Variants in HULC observed in about 807,000 individuals in gnomAD.
HULC encodes the protein hepatocellular carcinoma associated transcript 1 (non-protein coding).
Position 8,653,821 on chromosome 6 carries a change from T to C in HULC, n.313+106607T>C, listed in dbSNP as rs1767337396. ...AGAATTAAACAAAACTAAATTAAAA[T>C]GAAATAAAATGATGTCCATTCTTAA... On this transcript the variant is annotated intron_variant and non_coding_transcript_variant, in intron 3 of 8. Coordinates refer to ENST00000645747, the Ensembl canonical transcript of HULC. The surrounding 1 kb of genome is among the most constrained non-coding windows in gnomAD (Gnocchi z 4.3). 6.6e-6 allele frequency: 1 copy of C among 152,102 alleles called. No individual in the cohort carries two copies. Among genetic ancestry groups the C allele is most frequent in the Non-Finnish European group, 1.5e-5 (1 of 68,006 alleles). The allele number at this position is 152,102 out of a possible 1,614,324, so 9.4% of individuals were successfully genotyped here.
chr6:8,653,295 A>G lies in HULC; in HGVS notation n.313+106081A>G, dbSNP rs547910303. On this transcript the variant is annotated intron_variant and non_coding_transcript_variant, in intron 3 of 8. Transcript: ENST00000645747. This position sits in a 1 kb window ranked among gnomAD's most constrained non-coding sequence, Gnocchi z 4.3. ...AGAGAATAAGATTTGAGTAAAAGAG[A>G]GAGTTATATAAAATTGATGCTTTTC... 6.6e-6 allele frequency among the ~76,000 whole-genome samples: 1 copy of G among 152,334 alleles called. No homozygotes were observed. Among genetic ancestry groups the G allele is most frequent in the South Asian group, 2.1e-4 (1 of 4,832 alleles).
Position 8,652,423 on chromosome 6 carries a change from A to AT in HULC, n.313+105215dup. 1 of 152,342 alleles carries AT rather than the reference A, an allele frequency of 6.6e-6. No individual in the cohort carries two copies. The highest frequency in any genetic ancestry group is 6.5e-5 in the Admixed American group (1 of 15,292). The allele number at this position is 152,342 out of a possible 1,614,324, so 9.4% of individuals were successfully genotyped here. On this transcript the variant is annotated intron_variant and non_coding_transcript_variant, in intron 3 of 8. Transcript: ENST00000645747. The surrounding 1 kb of genome is among the most constrained non-coding windows in gnomAD (Gnocchi z 5.0). ...TTGTTTAAGCCACCCAGTCTTTGTTATTTTTTATAGCAGCCTAAGCGGACT... is the reference window on the plus strand; with the variant it reads ...TTGTTTAAGCCACCCAGTCTTTGTTATTTTTTTATAGCAGCCTAAGCGGACT...
Position 8,653,143 on chromosome 6 carries a change from G to A in HULC, n.313+105929G>A, listed in dbSNP as rs913956622. On this transcript the variant is annotated intron_variant and non_coding_transcript_variant, in intron 3 of 8. Transcript: ENST00000645747. This position sits in a 1 kb window ranked among gnomAD's most constrained non-coding sequence, Gnocchi z 4.3. The stretch of plus-strand genomic sequence containing the variant: ...GTCTCCTTAGAACATCACAGTGAGT[G>A]CAACCTCCCACAGAGCTAACCTGTG... The A allele has an allele frequency of 2.0e-5, 3 of 152,146 alleles. No homozygotes were observed. The highest frequency in any genetic ancestry group is 6.5e-5 in the Admixed American group (1 of 15,282). 9.4% of individuals were successfully genotyped at this position (152,146 alleles called of 1,614,324 possible).
In HULC at chr6:8,653,208, A is replaced by C. The variant is rs1315525809; in HGVS notation, n.313+105994A>C. The stretch of plus-strand genomic sequence containing the variant: ...TAGGGAACAATGTATTCACTTGCTA[A>C]AGATCAACCAACTTGTTCATTTTTC... On this transcript the variant is annotated intron_variant and non_coding_transcript_variant, in intron 3 of 8. Transcript: ENST00000645747. The surrounding 1 kb of genome is among the most constrained non-coding windows in gnomAD (Gnocchi z 4.3). 6.6e-6 allele frequency: 1 copy of C among 152,226 alleles called. No individual in the cohort carries two copies. Among genetic ancestry groups the C allele is most frequent in the Non-Finnish European group, 1.5e-5 (1 of 68,040 alleles). The allele number at this position is 152,226 out of a possible 1,614,324, so 9.4% of individuals were successfully genotyped here. A position where few individuals can be genotyped will look rare whatever the true frequency, so the allele number is the denominator to read the frequency against.
chr6:8,653,114 T>C lies in HULC; in HGVS notation n.313+105900T>C, dbSNP rs1462904318. On this transcript the variant is annotated intron_variant and non_coding_transcript_variant, in intron 3 of 8. Transcript: ENST00000645747. This position sits in a 1 kb window ranked among gnomAD's most constrained non-coding sequence, Gnocchi z 4.3. ...GAATATTTTATCTTCTCAGAAACCA[T>C]GTAGTCTCCTTAGAACATCACAGTG... is the stretch of plus-strand genomic sequence containing the variant. The C allele has an allele frequency of 6.6e-6, 1 of 152,180 alleles. No individual in the cohort carries two copies. Among genetic ancestry groups the C allele is most frequent in the South Asian group, 2.1e-4 (1 of 4,826 alleles). 9.4% of individuals were successfully genotyped at this position (152,180 alleles called of 1,614,324 possible).
At position 8,653,815 on chromosome 6, in the gene HULC, T is replaced by C. The variant is rs924534308; in HGVS notation, n.313+106601T>C. 55 of 152,088 alleles carry C rather than the reference T, an allele frequency of 3.6e-4. No individual in the cohort carries two copies. The highest frequency in any genetic ancestry group is 1.3e-4 in the Non-Finnish European group (9 of 68,016). 9.4% of individuals were successfully genotyped at this position (152,088 alleles called of 1,614,324 possible). The stretch of plus-strand genomic sequence containing the variant: ...GAAACTAGAATTAAACAAAACTAAA[T>C]TAAAATGAAATAAAATGATGTCCAT... On this transcript the variant is annotated intron_variant and non_coding_transcript_variant, in intron 3 of 8. Transcript: ENST00000645747. The surrounding 1 kb of genome is among the most constrained non-coding windows in gnomAD (Gnocchi z 4.3).
At position 8,652,535 on chromosome 6, in the gene HULC, G is replaced by C. The variant is rs781103017; in HGVS notation, n.313+105321G>C. The C allele has an allele frequency of 6.6e-6, 1 of 152,428 alleles. No individual in the cohort carries two copies. The highest frequency in any genetic ancestry group is 2.4e-5 in the African/African-American group (1 of 41,434). 9.4% of individuals were successfully genotyped at this position (152,428 alleles called of 1,614,324 possible). A position where few individuals can be genotyped will look rare whatever the true frequency, so the allele number is the denominator to read the frequency against. On this transcript the variant is annotated intron_variant and non_coding_transcript_variant, in intron 3 of 8. Transcript: ENST00000645747. The surrounding 1 kb of genome is among the most constrained non-coding windows in gnomAD (Gnocchi z 5.0). ...TCTGGTGCTGAAGCTTTAAGTCCAC[G>C]GGGCAGGAAGTTGGGAGAAAAGAGG...
chr6:8,652,972 C>G lies in HULC; in HGVS notation n.313+105758C>G, dbSNP rs952854433. On this transcript the variant is annotated intron_variant and non_coding_transcript_variant, in intron 3 of 8. Transcript: ENST00000645747. The surrounding 1 kb of genome is among the most constrained non-coding windows in gnomAD (Gnocchi z 5.0). ...GCTCCACCCCCAACCCAGAACTCTG[C>G]GGATAAAGGAATTCTGGGAAATGTA... 3.9e-5 allele frequency: 6 copies of G among 152,204 alleles called. No homozygotes were observed. Among genetic ancestry groups the G allele is most frequent in the Admixed American group, 1.3e-4 (2 of 15,280 alleles). 9.4% of individuals were successfully genotyped at this position (152,204 alleles called of 1,614,324 possible).
At position 8,653,069 on chromosome 6, in the gene HULC, C is replaced by T. The variant is rs977544506; in HGVS notation, n.313+105855C>T. ...CCAGAATATTACCTAGGATTATATT[C>T]GACCTGTTTCAGTGCTACAGAATAT... On this transcript the variant is annotated intron_variant and non_coding_transcript_variant, in intron 3 of 8. Coordinates refer to ENST00000645747, the Ensembl canonical transcript of HULC. This position sits in a 1 kb window ranked among gnomAD's most constrained non-coding sequence, Gnocchi z 4.3. 9.2e-5 allele frequency: 14 copies of T among 152,136 alleles called. No individual in the cohort carries two copies. The highest frequency in any genetic ancestry group is 2.4e-4 in the African/African-American group (10 of 41,412). 9.4% of individuals were successfully genotyped at this position (152,136 alleles called of 1,614,324 possible).
rs1281110765 is a variant in HULC at position 8,653,693 on chromosome 6, T to A, written n.313+106479T>A. 1 of 152,148 alleles carries A rather than the reference T, an allele frequency of 6.6e-6. No individual in the cohort carries two copies. The highest frequency in any genetic ancestry group is 2.4e-5 in the African/African-American group (1 of 41,444). 9.4% of individuals were successfully genotyped at this position (152,148 alleles called of 1,614,324 possible). ...AGCATTATTTTTTAAGGAACACAAA[T>A]TAAGTGTTCAACCTGTGGCAAATTT... On this transcript the variant is annotated intron_variant and non_coding_transcript_variant, in intron 3 of 8. Coordinates refer to ENST00000645747, the Ensembl canonical transcript of HULC. The surrounding 1 kb of genome is among the most constrained non-coding windows in gnomAD (Gnocchi z 4.3).
In HULC at chr6:8,653,290, AAG is replaced by A. The variant is rs147982263; in HGVS notation, n.313+106083_313+106084del. ...AAGGCAGAGAATAAGATTTGAGTAA[AAG>A]AGAGAGTTATATAAAATTGATGCTT... On this transcript the variant is annotated intron_variant and non_coding_transcript_variant, in intron 3 of 8. Coordinates refer to ENST00000645747, the Ensembl canonical transcript of HULC. This position sits in a 1 kb window ranked among gnomAD's most constrained non-coding sequence, Gnocchi z 4.3. Among the ~76,000 whole-genome samples the A allele has an allele frequency of 1.5e-3, 229 of 152,306 alleles. No homozygotes were observed. The highest frequency in any genetic ancestry group is 4.8e-3 in the African/African-American group (198 of 41,566).
Position 8,653,364 on chromosome 6 carries a change from T to C in HULC, n.313+106150T>C, listed in dbSNP as rs898202808. ...TGAAAAGTGAATGGAGAGACCCTTT[T>C]TCATTTTTGCTGGACAGCTTACAAA... On this transcript the variant is annotated intron_variant and non_coding_transcript_variant, in intron 3 of 8. Transcript: ENST00000645747. The surrounding 1 kb of genome is among the most constrained non-coding windows in gnomAD (Gnocchi z 4.3). 2.0e-5 allele frequency among the ~76,000 whole-genome samples: 3 copies of C among 152,162 alleles called. No homozygotes were observed. Among genetic ancestry groups the C allele is most frequent in the African/African-American group, 7.2e-5 (3 of 41,450 alleles).
Position 8,652,951 on chromosome 6 carries a change from C to T in HULC, n.313+105737C>T, listed in dbSNP as rs1006881582. 5.3e-5 allele frequency: 8 copies of T among 152,266 alleles called. No individual in the cohort carries two copies. The highest frequency in any genetic ancestry group is 2.0e-4 in the Admixed American group (3 of 15,284). The allele number at this position is 152,266 out of a possible 1,614,324, so 9.4% of individuals were successfully genotyped here. On this transcript the variant is annotated intron_variant and non_coding_transcript_variant, in intron 3 of 8. Transcript: ENST00000645747. The surrounding 1 kb of genome is among the most constrained non-coding windows in gnomAD (Gnocchi z 5.0). ...ATCTTGTGCAAATTCACTTATGCTC[C>T]ACCCCCAACCCAGAACTCTGCGGAT...
At position 8,652,603 on chromosome 6, in the gene HULC, G is replaced by T. The variant is rs1301067103; in HGVS notation, n.313+105389G>T. ...GTTCGAACAATCTGGAACTCTTGAG[G>T]CTGAGCTGGTTCCCACAAGGACCAA... On this transcript the variant is annotated intron_variant and non_coding_transcript_variant, in intron 3 of 8. Coordinates refer to ENST00000645747, the Ensembl canonical transcript of HULC. The surrounding 1 kb of genome is among the most constrained non-coding windows in gnomAD (Gnocchi z 5.0). 2 of 152,266 alleles carry T rather than the reference G, an allele frequency of 1.3e-5. No homozygotes were observed. The highest frequency in any genetic ancestry group is 4.8e-5 in the African/African-American group (2 of 41,442). The allele number at this position is 152,266 out of a possible 1,614,324, so 9.4% of individuals were successfully genotyped here.
At position 8,652,271 on chromosome 6, in the gene HULC, C is replaced by A. The variant is rs184412365; in HGVS notation, n.313+105057C>A. The A allele has an allele frequency of 6.6e-6, 1 of 152,146 alleles. No individual in the cohort carries two copies. The highest frequency in any genetic ancestry group is 1.5e-5 in the Non-Finnish European group (1 of 68,054). 9.4% of individuals were successfully genotyped at this position (152,146 alleles called of 1,614,324 possible). On this transcript the variant is annotated intron_variant and non_coding_transcript_variant, in intron 3 of 8. Transcript: ENST00000645747. This position sits in a 1 kb window ranked among gnomAD's most constrained non-coding sequence, Gnocchi z 5.0. ...AAGGGAATGAAGAGACAAGAGCTCTCTTTATGCCACGTGAGGATACAGCAA... is the reference window on the plus strand; with the variant it reads ...AAGGGAATGAAGAGACAAGAGCTCTATTTATGCCACGTGAGGATACAGCAA...
At position 8,653,581 on chromosome 6, in the gene HULC, A is replaced by C. The variant is rs1767333242; in HGVS notation, n.313+106367A>C. ...TATCTTTGGAAGAAACTCTGAAGTA[A>C]AGGCCGGAATATTCTTTGTTTAAAA... On this transcript the variant is annotated intron_variant and non_coding_transcript_variant, in intron 3 of 8. Transcript: ENST00000645747. The surrounding 1 kb of genome is among the most constrained non-coding windows in gnomAD (Gnocchi z 4.3). 6.6e-6 allele frequency: 1 copy of C among 152,196 alleles called. No homozygotes were observed. Among genetic ancestry groups the C allele is most frequent in the South Asian group, 2.1e-4 (1 of 4,832 alleles). The allele number at this position is 152,196 out of a possible 1,614,324, so 9.4% of individuals were successfully genotyped here. A position where few individuals can be genotyped will look rare whatever the true frequency, so the allele number is the denominator to read the frequency against.
chr6:8,652,775 A>T lies in HULC; in HGVS notation n.313+105561A>T, dbSNP rs558369188. On this transcript the variant is annotated intron_variant and non_coding_transcript_variant, in intron 3 of 8. Transcript: ENST00000645747. The surrounding 1 kb of genome is among the most constrained non-coding windows in gnomAD (Gnocchi z 5.0). Reference sequence around the variant, plus strand: ...AAGCTGAAGGAGGGGAGTGGGAAGGAGCTGAGGAGCTGCACTAGGCTGCTA... The same window carrying T: ...AAGCTGAAGGAGGGGAGTGGGAAGGTGCTGAGGAGCTGCACTAGGCTGCTA... The T allele has an allele frequency of 1.3e-5, 2 of 152,436 alleles. No homozygotes were observed. Among genetic ancestry groups the T allele is most frequent in the South Asian group, 4.1e-4 (2 of 4,832 alleles). 9.4% of individuals were successfully genotyped at this position (152,436 alleles called of 1,614,324 possible). A position where few individuals can be genotyped will look rare whatever the true frequency, so the allele number is the denominator to read the frequency against.
chr6:8,652,555 AAG>A lies in HULC; in HGVS notation n.313+105344_313+105345del, dbSNP rs1767315729. 1 of 152,588 alleles carries A rather than the reference AAG, an allele frequency of 6.6e-6. No individual in the cohort carries two copies. The highest frequency in any genetic ancestry group is 6.5e-5 in the Admixed American group (1 of 15,276). The allele number at this position is 152,588 out of a possible 1,614,324, so 9.5% of individuals were successfully genotyped here. A position where few individuals can be genotyped will look rare whatever the true frequency, so the allele number is the denominator to read the frequency against. Reference sequence around the variant, plus strand: ...TCCACGGGGCAGGAAGTTGGGAGAAAAGAGGGCGTGAAATAGAGAGGGGTTCG... The same window carrying A: ...TCCACGGGGCAGGAAGTTGGGAGAAAAGGGCGTGAAATAGAGAGGGGTTCG... On this transcript the variant is annotated intron_variant and non_coding_transcript_variant, in intron 3 of 8. Coordinates refer to ENST00000645747, the Ensembl canonical transcript of HULC. This position sits in a 1 kb window ranked among gnomAD's most constrained non-coding sequence, Gnocchi z 5.0.
chr6:8,652,944 T>A lies in HULC; in HGVS notation n.313+105730T>A, dbSNP rs1293346752. Reference sequence around the variant, plus strand: ...CTTTCAAATCTTGTGCAAATTCACTTATGCTCCACCCCCAACCCAGAACTC... The same window carrying A: ...CTTTCAAATCTTGTGCAAATTCACTAATGCTCCACCCCCAACCCAGAACTC... On this transcript the variant is annotated intron_variant and non_coding_transcript_variant, in intron 3 of 8. Transcript: ENST00000645747. The surrounding 1 kb of genome is among the most constrained non-coding windows in gnomAD (Gnocchi z 5.0). The A allele has an allele frequency of 1.3e-5, 2 of 152,270 alleles. No homozygotes were observed. Among genetic ancestry groups the A allele is most frequent in the Non-Finnish European group, 2.9e-5 (2 of 68,106 alleles). 9.4% of individuals were successfully genotyped at this position (152,270 alleles called of 1,614,324 possible).
Sources: gnomAD v4.1 joint callset for allele counts (sites outside exome capture counted in the v4.1 genomes callset) on GRCh38, gnomAD v4.1.1 for gene constraint, Gnocchi (gnomAD v3.1) non-coding constraint, MANE v1.5 for transcripts, NCBI Gene and HGNC (gene_info 2026-07-23, HGNC 2026-07-21) for gene names.